SLC9A9: variants seen among roughly 807,000 people sequenced by gnomAD.
SLC9A9 encodes sodium/hydrogen exchanger 9.
In SLC9A9, 62 loss-of-function variants were observed where a neutral mutation model predicts 77.8. The observed-to-expected ratio is 0.80, with a 90% CI of 0.65 to 0.98. SLC9A9 has a LOEUF of 0.98. SLC9A9 is among the 50% of genes least tolerant of loss of function. SLC9A9 has a pLI of 0.00. For missense variants in SLC9A9, 775 were observed against 774.9 expected (o/e 1.00, Z 0.00); for synonymous variants, 320 against 283.5 (o/e 1.13, Z -1.29).
At chr3:143,421,784 T>G (rs59545496) in intron 12 of SLC9A9, among the ~76,000 whole-genome samples, 15,762 of 152,026 alleles carry the variant, frequency 0.1, 1,405 homozygotes, top group African/African-American at 0.25. Flanking sequence ...AACGAAACTA[T>G]CAACACAATA....
chr3:143,534,185 G>C (rs184322986), intron 9 of SLC9A9, among the ~76,000 whole-genome samples: 2 of 152,266 alleles, frequency 1.3e-5, no homozygotes, highest in Middle Eastern at 3.4e-3. Context: ...CATGAATCAG[G>C]CAAATCTGGA....
At chr3:143,707,800 A>G (rs1427874997) in intron 4 of SLC9A9, among the ~76,000 whole-genome samples, 1 of 152,220 alleles carries the variant, frequency 6.6e-6, no homozygotes, top group African/African-American at 2.4e-5. Flanking sequence ...GACTGCAGAC[A>G]GAAGGTTGTG....
chr3:143,586,158 G>A (rs962796706), intron 6 of SLC9A9, among the ~76,000 whole-genome samples: 1 of 152,250 alleles, frequency 6.6e-6, no homozygotes, highest in East Asian at 1.9e-4. Context: ...GGGATGGGGT[G>A]GGGGCGGGGG....
intron 2 of SLC9A9, among the ~76,000 whole-genome samples, chr3:143,811,459 C>A (rs2008862717): frequency 6.6e-6 from 1 of 152,152 alleles, no homozygotes; most frequent in African/African-American, 2.4e-5. Context: ...GTACTATGGG[C>A]ATGAAAATGC....
chr3:143,281,171 G>C (rs149557891), intron 14 of SLC9A9, among the ~76,000 whole-genome samples: 1,779 of 152,286 alleles, frequency 0.012, 12 homozygotes, highest in Non-Finnish European at 0.018. Flanking sequence ...ACCCAGGGAG[G>C]CCTCCGGTGA....
At chr3:143,694,846 C>T (rs1933581723) in intron 4 of SLC9A9, among the ~76,000 whole-genome samples, 1 of 152,080 alleles carries the variant, frequency 6.6e-6, no homozygotes, top group Non-Finnish European at 1.5e-5. Context: ...ATGAAGTATC[C>T]CTAAGAACTT....
intron 9 of SLC9A9, among the ~76,000 whole-genome samples, chr3:143,540,303 T>C (rs1170305780): frequency 6.6e-6 from 1 of 152,210 alleles, no homozygotes; most frequent in Admixed American, 6.5e-5. Flanking sequence ...CAGAATAATA[T>C]CTGTCATAAG....
intron 9 of SLC9A9, among the ~76,000 whole-genome samples, chr3:143,534,665 C>T (rs1039350320): frequency 7.2e-5 from 11 of 152,180 alleles, no homozygotes; most frequent in East Asian, 5.8e-4. Flanking sequence ...CACCTACCTG[C>T]GCCCCATGTG....
intron 4 of SLC9A9, among the ~76,000 whole-genome samples, chr3:143,760,980 G>A (rs906370949): frequency 1.3e-5 from 2 of 152,116 alleles, no homozygotes; most frequent in Non-Finnish European, 2.9e-5. Flanking sequence ...CATGGTATTG[G>A]TATCAAAACA....
At chr3:143,802,909 T>C (rs2008605545) in intron 2 of SLC9A9, among the ~76,000 whole-genome samples, 1 of 152,124 alleles carries the variant, frequency 6.6e-6, no homozygotes, top group Non-Finnish European at 1.5e-5. Flanking sequence ...CCCAACCTTG[T>C]CCCAGACACC....
At position 143,265,848 on chromosome 3, in the gene SLC9A9, G is replaced by GCAACA. The variant is rs940207882; in HGVS notation, c.*849_*853dup. On this transcript the variant is annotated 3_prime_UTR_variant, in exon 16 of 16. Coordinates refer to ENST00000316549, the MANE Select transcript of SLC9A9 (RefSeq NM_173653.4). Reference sequence around the variant, plus strand: ...TGCACAGTCTGCTGCCAGGTAGAGAGCAACACAGGCTGCAGAATCCTACCC... The same window carrying GCAACA: ...TGCACAGTCTGCTGCCAGGTAGAGAGCAACACAACACAGGCTGCAGAATCCTACCC... 6 of 596,140 alleles carry GCAACA rather than the reference G, an allele frequency of 1.0e-5. No homozygotes were observed. In the African/African-American group the frequency reaches 1.1e-4, roughly 11 times the overall value. The allele number at this position is 596,140 out of a possible 1,614,324, so 36.9% of individuals were successfully genotyped here.
At chr3:143,731,585 T>C (rs1445147576) in intron 4 of SLC9A9, among the ~76,000 whole-genome samples, 2 of 152,222 alleles carry the variant, frequency 1.3e-5, no homozygotes, top group Non-Finnish European at 2.9e-5. Flanking sequence ...CATCCCTTTC[T>C]AATATCATGT....
intron 4 of SLC9A9, among the ~76,000 whole-genome samples, chr3:143,774,228 G>A (rs896671112): frequency 1.3e-5 from 2 of 152,158 alleles, no homozygotes; most frequent in African/African-American, 4.8e-5. Context: ...GGCCAACCAC[G>A]TCACCTTTCG....
At chr3:143,600,257 C>G (rs902570492) in intron 6 of SLC9A9, among the ~76,000 whole-genome samples, 8 of 152,128 alleles carry the variant, frequency 5.3e-5, no homozygotes, top group Non-Finnish European at 1.2e-4. Flanking sequence ...TCAACTCCCA[C>G]CTATGAGTGA....
At chr3:143,639,769 T>C (rs2038590234) in intron 6 of SLC9A9, among the ~76,000 whole-genome samples, 1 of 152,168 alleles carries the variant, frequency 6.6e-6, no homozygotes, top group Admixed American at 6.5e-5. Context: ...TCTGTCCCTG[T>C]GTTTACCATA....
At chr3:143,811,820 T>C in intron 2 of SLC9A9, 1 of 415,314 alleles carries the variant, frequency 2.4e-6, no homozygotes, top group Non-Finnish European at 4.8e-6. Flanking sequence ...CAGGATTGCA[T>C]CACCACACTC....
chr3:143,684,627 A>G (rs1933202222), intron 5 of SLC9A9, among the ~76,000 whole-genome samples: 1 of 152,090 alleles, frequency 6.6e-6, no homozygotes, highest in East Asian at 1.9e-4. Flanking sequence ...CAGGCTTAAG[A>G]ACTTATTTAT....
chr3:143,683,303 A>G (rs567276313), intron 5 of SLC9A9, among the ~76,000 whole-genome samples: 40 of 152,112 alleles, frequency 2.6e-4, no homozygotes, highest in Non-Finnish European at 5.1e-4. Context: ...AGTAATCAGG[A>G]CTCTCTGAAG....
At chr3:143,470,373 T>C (rs2035357366) in intron 11 of SLC9A9, among the ~76,000 whole-genome samples, 1 of 150,998 alleles carries the variant, frequency 6.6e-6, no homozygotes. Context: ...CCAGCTACTA[T>C]GGAGGCTGAG....
Sources: allele counts gnomAD v4.1 joint callset (sites outside exome capture counted in the v4.1 genomes callset), GRCh38; gene constraint gnomAD v4.1.1; transcripts MANE v1.5; gene names NCBI Gene and HGNC (gene_info 2026-07-23, HGNC 2026-07-21).